Variants in GRIN2B observed in about 807,000 individuals in gnomAD.
The protein encoded by GRIN2B is glutamate receptor ionotropic, NMDA 2B.
A neutral mutation model predicts 114.5 loss-of-function variants in GRIN2B; 5 were observed. The ratio of observed to expected loss-of-function variants is 0.04; its 90% CI spans 0.02 to 0.09. The LOEUF (loss-of-function observed/expected upper bound fraction) is 0.09. Among genes scored for constraint, GRIN2B ranks in the 10% least tolerant of loss-of-function variants. The probability of loss-of-function intolerance (pLI) is 1.00; values close to 1 mark genes in which losing one functional copy is unlikely to be tolerated. For synonymous variants in GRIN2B, 787 were observed against 745.1 expected, an observed-to-expected ratio of 1.06 and a Z score of -0.92; for missense variants, 1,108 against 1,943.5, an observed-to-expected ratio of 0.57 and a Z score of 8.08.
At chr12:13,813,333 A>G (rs1715554801) in intron 3 of GRIN2B, among the ~76,000 whole-genome samples, 1 of 152,184 alleles carries the variant, frequency 6.6e-6, no homozygotes, top group African/African-American at 2.4e-5. Flanking sequence ...CAGAATTATG[A>G]TATAAGGGCA....
chr12:13,605,546 CTCTCTG>C (rs1397281413), intron 10 of GRIN2B, among the ~76,000 whole-genome samples: 5 of 84,150 alleles, frequency 5.9e-5, no homozygotes, highest in African/African-American at 9.9e-5. Flanking sequence ...CTCTCTCTCT[CTCTCTG>C]ACACACACAC....
rs1211169262 is a variant in GRIN2B, at chr12:13,553,885, A to T, written c.*8898T>A. 6.6e-6 allele frequency: 1 copy of T among 152,200 alleles called. No individual in the cohort carries two copies. Among genetic ancestry groups the T allele is most frequent in the Non-Finnish European group, 1.5e-5 (1 of 68,036 alleles). The allele number at this position is 152,200 out of a possible 1,614,324, so 9.4% of individuals were successfully genotyped here. A position where few individuals can be genotyped will look rare whatever the true frequency, so the allele number is the denominator to read the frequency against. ...TTCCAAGTACACTTTCCTAACCATA[A>T]AACAGTCCAAAACAACTTCAAAGGA... On this transcript the variant is annotated 3_prime_UTR_variant, in exon 14 of 14. Coordinates refer to ENST00000609686, the MANE Select transcript of GRIN2B (RefSeq NM_000834.5).
At chr12:13,876,180 G>A (rs1865988542) in intron 2 of GRIN2B, among the ~76,000 whole-genome samples, 1 of 152,190 alleles carries the variant, frequency 6.6e-6, no homozygotes, top group Admixed American at 6.5e-5. Flanking sequence ...AGCTAGAATT[G>A]AAACCTGGCT....
chr12:13,847,553 C>A (rs74824965), intron 3 of GRIN2B, among the ~76,000 whole-genome samples: 1 of 151,992 alleles, frequency 6.6e-6, no homozygotes, highest in Non-Finnish European at 1.5e-5. Flanking sequence ...GGATGAAGCA[C>A]GATGATGGCT....
intron 2 of GRIN2B, among the ~76,000 whole-genome samples, chr12:13,891,747 A>T (rs1866266478): frequency 6.6e-6 from 1 of 152,160 alleles, no homozygotes; most frequent in Admixed American, 6.6e-5. Flanking sequence ...AATTATAGGT[A>T]TCTTACAAAT....
Position 13,563,433 on chromosome 12 carries a change from G to C in GRIN2B, c.3805C>G (p.Pro1269Ala). ...SLQELDQPAA[P>A]VAVTSNASTT... is the part of the protein sequence containing the mutation. The stretch of plus-strand genomic sequence containing the variant: ...GAGGCGTTTGACGTCACCGCCACTG[G>C]GGCAGCCGGCTGGTCCAGTTCCTGC... The change falls in exon 14 of 14, where the codon CCA (proline) becomes GCA (alanine). Residue 1269 changes from proline to alanine, a missense_variant. Around this residue, in one of 19 missense-constraint regions of GRIN2B, gnomAD observed 478 missense variants for 506.0 expected, o/e 0.94. Coordinates refer to ENST00000609686, the MANE Select transcript of GRIN2B (RefSeq NM_000834.5). The C allele has an allele frequency of 1.2e-6, 2 of 1,614,214 alleles. No homozygotes were observed. The highest frequency in any genetic ancestry group is 1.7e-6 in the Non-Finnish European group (2 of 1,180,044).
intron 3 of GRIN2B, among the ~76,000 whole-genome samples, chr12:13,813,128 T>C (rs1591746783): frequency 2.0e-5 from 3 of 151,786 alleles, no homozygotes; most frequent in Non-Finnish European, 4.4e-5. Flanking sequence ...TTAGTAGAGA[T>C]AGGGTTTCAC....
chr12:13,692,257 T>C (rs1457964154), intron 4 of GRIN2B, among the ~76,000 whole-genome samples: 1 of 152,066 alleles, frequency 6.6e-6, no homozygotes, highest in Non-Finnish European at 1.5e-5. Context: ...TGAAGATAGG[T>C]ACCAAGTTCA....
intron 2 of GRIN2B, among the ~76,000 whole-genome samples, chr12:13,901,629 A>G (rs1241907547): frequency 6.6e-6 from 1 of 152,086 alleles, no homozygotes; most frequent in Non-Finnish European, 1.5e-5. Flanking sequence ...AATAGTAAAT[A>G]TGAGTCTTGT....
At chr12:13,846,521 A>T (rs1490542190) in intron 3 of GRIN2B, among the ~76,000 whole-genome samples, 3 of 152,138 alleles carry the variant, frequency 2.0e-5, no homozygotes, top group Admixed American at 6.5e-5. Flanking sequence ...CACCCAAACC[A>T]ATCTTTTTCT....
At chr12:13,698,411 T>C (rs1950280733) in intron 4 of GRIN2B, among the ~76,000 whole-genome samples, 1 of 152,244 alleles carries the variant, frequency 6.6e-6, no homozygotes, top group African/African-American at 2.4e-5. Flanking sequence ...GCTTTGATAG[T>C]ATAATTTCAA....
intron 5 of GRIN2B, among the ~76,000 whole-genome samples, chr12:13,662,718 C>T (rs547799642): frequency 4.6e-5 from 7 of 152,172 alleles, no homozygotes; most frequent in African/African-American, 9.6e-5. Flanking sequence ...CAATCGGCCT[C>T]GTGTCAGGGA....
Position 13,763,300 on chromosome 12 carries a change from A to G in GRIN2B, c.412-9385T>C, listed in dbSNP as rs561159833. 2.6e-5 allele frequency among the ~76,000 whole-genome samples: 4 copies of G among 152,258 alleles called. No individual in the cohort carries two copies. The South Asian group carries it at 8.3e-4, about 32-fold the overall frequency. ...TGGCTGGGCTGCTTTACACCCAGGA[A>G]TTGGTGCACTGATTGTGAACCTGGC... is the stretch of plus-strand genomic sequence containing the variant. On this transcript the variant is annotated intron_variant, in intron 3 of 13. Transcript: ENST00000609686.
chr12:13,763,407 C>T (rs990697014), intron 3 of GRIN2B, among the ~76,000 whole-genome samples: 7 of 152,152 alleles, frequency 4.6e-5, no homozygotes, highest in African/African-American at 1.7e-4. Context: ...TAAATCACTT[C>T]CTCATGTTCT....
In GRIN2B at chr12:13,799,809, TAAGGA is replaced by T. The variant is rs202228942; in HGVS notation, c.412-45899_412-45895del. Among the ~76,000 whole-genome samples, 4 of 151,944 alleles carry T rather than the reference TAAGGA, an allele frequency of 2.6e-5. No individual in the cohort carries two copies. In the East Asian group the frequency reaches 7.8e-4, roughly 30 times the overall value. ...AAGATGGCAGGGGGTACAGGCAAGT[TAAGGA>T]TGCCACCCAGGGTGAGAGTGAGGGA... is the stretch of plus-strand genomic sequence containing the variant. On this transcript the variant is annotated intron_variant, in intron 3 of 13. Transcript: ENST00000609686.
intron 3 of GRIN2B, among the ~76,000 whole-genome samples, chr12:13,765,120 A>C (rs2136640363): frequency 6.6e-6 from 1 of 152,342 alleles, no homozygotes; most frequent in Admixed American, 6.5e-5. Flanking sequence ...CTCAGCAATG[A>C]CATTTTGATG....
At chr12:13,845,801 C>T (rs7958180) in intron 3 of GRIN2B, among the ~76,000 whole-genome samples, 3,426 of 152,240 alleles carry the variant, frequency 0.023, 148 homozygotes, top group African/African-American at 0.078. Context: ...CCTTTCCTTT[C>T]CCTACTGCAT....
Position 13,564,195 on chromosome 12 carries a change from A to C in GRIN2B, c.3043T>G (p.Ser1015Ala), listed in dbSNP as rs574130239. 6.2e-7 allele frequency: 1 copy of C among 1,613,906 alleles called. No individual in the cohort carries two copies. Among genetic ancestry groups the C allele is most frequent in the Non-Finnish European group, 8.5e-7 (1 of 1,179,996 alleles). ...DCDNPPFTTQSRSISKKPLDI... is the reference protein window; with the variant it reads ...DCDNPPFTTQARSISKKPLDI... ...AGGGGCTTCTTGCTGATGGACCTGG[A>C]CTGGGTGGTGAAGGGTGGGTTGTCA... The change falls in exon 14 of 14, where the codon TCC (serine) becomes GCC (alanine). Residue 1015 changes from serine (S) to alanine (A), a missense_variant. Ser to Ala is a moderately conservative substitution (Grantham distance 99). Around this residue, in one of 19 missense-constraint regions of GRIN2B, gnomAD observed 140 missense variants for 187.5 expected, o/e 0.75. Transcript: ENST00000609686. The surrounding 1 kb of genome is among the most constrained non-coding windows in gnomAD (Gnocchi z 4.8).
chr12:13,958,079 C>T lies in GRIN2B; in HGVS notation c.-19+21849G>A, dbSNP rs575638990. Reference sequence around the variant, plus strand: ...CACGGTAGAAAGTTTTATTGGACAGCGCTGGTCTCAAGTCTCTTGGGAAGA... The same window carrying T: ...CACGGTAGAAAGTTTTATTGGACAGTGCTGGTCTCAAGTCTCTTGGGAAGA... On this transcript the variant is annotated intron_variant, in intron 2 of 13. Coordinates refer to ENST00000609686, the MANE Select transcript of GRIN2B (RefSeq NM_000834.5). Among the ~76,000 whole-genome samples, 140 of 152,170 alleles carry T rather than the reference C, an allele frequency of 9.2e-4. 1 individual carries two copies. Among genetic ancestry groups the T allele is most frequent in the African/African-American group, 3.2e-3 (134 of 41,488 alleles).
Sources: allele counts gnomAD v4.1 joint callset (sites outside exome capture counted in the v4.1 genomes callset), GRCh38; gene constraint gnomAD v4.1.1; regional missense constraint gnomAD v4.1.1; non-coding constraint Gnocchi (gnomAD v3.1); transcripts MANE v1.5; gene names NCBI Gene and HGNC (gene_info 2026-07-23, HGNC 2026-07-21).